The following SLC38A8 variants were observed in gnomAD, a reference collection of about 807,000 sequenced individuals.
SLC38A8 encodes solute carrier family 38 member 8.
A neutral mutation model predicts 46.0 loss-of-function variants in SLC38A8; 65 were observed. The observed-to-expected ratio is 1.41, with a 90% CI of 1.16 to 1.74. The LOEUF (loss-of-function observed/expected upper bound fraction) is 1.74. Ranked by LOEUF, SLC38A8 falls within the 40% of genes most tolerant of loss-of-function variation. SLC38A8 has a pLI of 0.00. For synonymous variants in SLC38A8, 447 were observed against 243.7 expected, an observed-to-expected ratio of 1.83 and a Z score of -7.77; for missense variants, 998 against 567.9, an observed-to-expected ratio of 1.76 and a Z score of -7.70.
intron 4 of SLC38A8, among the ~76,000 whole-genome samples, 154 bp from the exon 5 acceptor site, chr16:84,032,122 G>C (rs1289634643): frequency 6.6e-6 from 1 of 152,206 alleles, no homozygotes. Flanking sequence ...TCTGTACAGG[G>C]GGCATGTGGG....
At chr16:84,020,622 G>C (rs2085084485) in intron 7 of SLC38A8, among the ~76,000 whole-genome samples, 2 of 152,354 alleles carry the variant, frequency 1.3e-5, no homozygotes, top group South Asian at 2.1e-4. Context: ...GGTGCAGCGA[G>C]GATCTCTGTG....
intron 7 of SLC38A8, among the ~76,000 whole-genome samples, chr16:84,020,436 C>T (rs1011806222): frequency 6.6e-6 from 1 of 152,214 alleles, no homozygotes; most frequent in African/African-American, 2.4e-5. Context: ...GCATGAGCCA[C>T]CACACCTGGC....
At chr16:84,011,728 A>C (rs1000121079) in intron 10 of SLC38A8, among the ~76,000 whole-genome samples, 7 of 152,160 alleles carry the variant, frequency 4.6e-5, no homozygotes, top group African/African-American at 1.7e-4. Context: ...ATCCTTATAA[A>C]AGAAAGGCAG....
intron 9 of SLC38A8, 36 bp downstream of exon 9, chr16:84,016,483 C>G (rs754758695): frequency 1.2e-6 from 2 of 1,605,558 alleles, no homozygotes; most frequent in Non-Finnish European, 1.7e-6. Context: ...CAGGGAAGAA[C>G]AAGTGGGCAG....
intron 6 of SLC38A8, among the ~76,000 whole-genome samples, chr16:84,024,484 A>G (rs2085137152): frequency 6.6e-6 from 1 of 152,038 alleles, no homozygotes; most frequent in Non-Finnish European, 1.5e-5. Context: ...CAAGGGGGAT[A>G]AGAATTTTAA....
chr16:84,017,033 G>A, intron 8 of SLC38A8, 107 bp downstream of exon 8: 3 of 1,432,358 alleles, frequency 2.1e-6, no homozygotes, highest in South Asian at 2.7e-5. Flanking sequence ...TACAATTGGA[G>A]AGGATGGTAG....
At position 84,033,437 on chromosome 16, in the gene SLC38A8, CG is replaced by C; in HGVS notation, c.420del (p.Ala141ProfsTer39). On this transcript the variant is annotated frameshift_variant, in exon 4 of 11. Coordinates refer to ENST00000299709, the MANE Select transcript of SLC38A8 (RefSeq NM_001080442.3). LOFTEE classifies it high-confidence loss of function. The part of the protein sequence containing the change: ...LCDSLLSGTP[P>X]APQPWYADQR... ...TGGTCTGCGTACCACGGCTGCGGGG[CG>C]GGCGGGGTGCCAGACAGGAGGGAGT... is the stretch of plus-strand genomic sequence containing the variant. The C allele has an allele frequency of 6.2e-7, 1 of 1,610,518 alleles. No homozygotes were observed. Among genetic ancestry groups the C allele is most frequent in the Non-Finnish European group, 8.5e-7 (1 of 1,178,548 alleles).
rs201988638 is a variant in SLC38A8 at position 84,013,414 on chromosome 16, T to TTG, written c.1163-364_1163-363dup. Among the ~76,000 whole-genome samples, 761 of 130,854 alleles carry TTG rather than the reference T, an allele frequency of 5.8e-3. 17 individuals are homozygous for TTG. The highest frequency in any genetic ancestry group is 0.025 in the African/African-American group (693 of 28,130). The allele number at this position is 130,854 out of a possible 152,430, so 85.8% of individuals were successfully genotyped here. On this transcript the variant is annotated intron_variant, in intron 9 of 10. Coordinates refer to ENST00000299709, the MANE Select transcript of SLC38A8 (RefSeq NM_001080442.3). ...TGGCAGCTACCATTACTTTCTTTTGTTGTGTGTGTGTTTTTTTTTTTTTTT... is the reference window on the plus strand; with the variant it reads ...TGGCAGCTACCATTACTTTCTTTTGTTGTGTGTGTGTGTTTTTTTTTTTTTTT...
chr16:84,032,214 A>G (rs755622154), intron 4 of SLC38A8, among the ~76,000 whole-genome samples: 1 of 152,010 alleles, frequency 6.6e-6, no homozygotes, highest in Non-Finnish European at 1.5e-5. Flanking sequence ...TTTGAGACGG[A>G]GTCTCGCTCT....
At chr16:84,028,499 T>C (rs76711487) in intron 6 of SLC38A8, among the ~76,000 whole-genome samples, 4,461 of 147,940 alleles carry the variant, frequency 0.03, 240 homozygotes, top group African/African-American at 0.11. Context: ...ACCCAGGAGG[T>C]GCAGTGCAGT....
intron 7 of SLC38A8, among the ~76,000 whole-genome samples, chr16:84,018,357 T>C (rs1188607729): frequency 1.3e-5 from 2 of 150,000 alleles, no homozygotes; most frequent in Non-Finnish European, 3.0e-5. Context: ...CCTAGCCTCC[T>C]GAGTAGCTGG....
intron 2 of SLC38A8, chr16:84,039,923 G>C (rs1466260526): frequency 6.6e-6 from 1 of 152,238 alleles, no homozygotes; most frequent in Non-Finnish European, 1.5e-5. Context: ...TCCCAAGAGG[G>C]GATTTGCCCG....
chr16:84,020,165 G>A (rs1417034382), intron 7 of SLC38A8, among the ~76,000 whole-genome samples: 2 of 147,964 alleles, frequency 1.4e-5, no homozygotes, highest in South Asian at 2.1e-4. Flanking sequence ...TTTTGAGACA[G>A]GGTCTTGCCC....
intron 2 of SLC38A8, among the ~76,000 whole-genome samples, chr16:84,037,316 C>T (rs1016962764): frequency 2.0e-5 from 3 of 152,232 alleles, no homozygotes; most frequent in African/African-American, 7.2e-5. Flanking sequence ...AACCACTGCT[C>T]ACCTGCTGTG....
upstream of SLC38A8, among the ~76,000 whole-genome samples, chr16:84,043,157 A>G (rs1045457226): frequency 6.6e-6 from 1 of 152,122 alleles, no homozygotes. Context: ...AGCTAATCCC[A>G]TGCACACGAG....
intron 7 of SLC38A8, 56 bp downstream of exon 7, chr16:84,022,719 T>A: frequency 8.1e-7 from 1 of 1,227,352 alleles, no homozygotes; most frequent in South Asian, 1.2e-5. Context: ...TCGCTGTTAC[T>A]CTTGTTTCTA....
At chr16:84,019,879 G>A (rs557085153) in intron 7 of SLC38A8, among the ~76,000 whole-genome samples, 3 of 152,246 alleles carry the variant, frequency 2.0e-5, no homozygotes, top group Non-Finnish European at 4.4e-5. Context: ...CAAGCTGGAG[G>A]ATCATCTGTT....
chr16:84,037,554 A>C (rs1255740041), intron 2 of SLC38A8, among the ~76,000 whole-genome samples: 1 of 152,114 alleles, frequency 6.6e-6, no homozygotes, highest in East Asian at 1.9e-4. Context: ...TGAGGTCAGG[A>C]GTTTGAGACC....
At chr16:84,011,471 T>A (rs1287872344) in intron 10 of SLC38A8, among the ~76,000 whole-genome samples, 1 of 152,082 alleles carries the variant, frequency 6.6e-6, no homozygotes, top group East Asian at 1.9e-4. Flanking sequence ...AAACCAAGCT[T>A]GGGCTCAATG....
Sources: gnomAD v4.1 joint callset for allele counts (sites outside exome capture counted in the v4.1 genomes callset) on GRCh38, gnomAD v4.1.1 for gene constraint, MANE v1.5 for transcripts, NCBI Gene and HGNC (gene_info 2026-07-23, HGNC 2026-07-21) for gene names.